IGF2BP2: variants seen among roughly 807,000 people sequenced by gnomAD.
The protein encoded by IGF2BP2 is insulin-like growth factor 2 mRNA-binding protein 2.
In IGF2BP2, 17 loss-of-function variants were observed where a neutral mutation model predicts 75.8. That is an observed-to-expected ratio of 0.22 (90% CI 0.15 to 0.34). The LOEUF is 0.34. Among genes scored for constraint, IGF2BP2 ranks in the 10% least tolerant of loss-of-function variants. The pLI, the probability that IGF2BP2 is intolerant of heterozygous loss-of-function variation, is 1.00. For missense variants in IGF2BP2, 516 were observed against 772.4 expected (o/e 0.67, Z 3.93); for synonymous variants, 288 against 295.6 (o/e 0.97, Z 0.26).
chr3:185,731,449 C>T (rs1212403629), intron 2 of IGF2BP2, among the ~76,000 whole-genome samples: 5 of 151,806 alleles, frequency 3.3e-5, no homozygotes, highest in African/African-American at 9.7e-5. Context: ...GATGAGGTTT[C>T]ACCATGTTGG....
chr3:185,765,383 C>CAGCT (rs1449322131), intron 2 of IGF2BP2, among the ~76,000 whole-genome samples: 1 of 152,224 alleles, frequency 6.6e-6, no homozygotes, highest in East Asian at 1.9e-4. Context: ...CCTCCAAAGA[C>CAGCT]AGCTCACAGC....
At chr3:185,697,417 G>GTTT (rs11437010) in intron 3 of IGF2BP2, among the ~76,000 whole-genome samples, 1 of 148,072 alleles carries the variant, frequency 6.8e-6, no homozygotes. Context: ...ATAATCGTGT[G>GTTT]TTTTTTTTTT....
chr3:185,806,794 A>C (rs1177028387), intron 2 of IGF2BP2, among the ~76,000 whole-genome samples: 1 of 152,198 alleles, frequency 6.6e-6, no homozygotes, highest in Non-Finnish European at 1.5e-5. Context: ...CATTATAAAT[A>C]TTTGCAATAT....
intron 10 of IGF2BP2, among the ~76,000 whole-genome samples, chr3:185,667,159 G>A (rs1471472471): frequency 1.3e-5 from 2 of 152,252 alleles, no homozygotes; most frequent in African/African-American, 4.8e-5. Flanking sequence ...TAAGTTCAAC[G>A]ATAAAATGGT....
intron 2 of IGF2BP2, among the ~76,000 whole-genome samples, chr3:185,708,433 T>C (rs1245541635): frequency 3.3e-5 from 5 of 152,152 alleles, no homozygotes; most frequent in African/African-American, 1.2e-4. Context: ...CAGGAAGGGT[T>C]ATTTTGGAAA....
chr3:185,814,060 T>C (rs1740278855), intron 2 of IGF2BP2: 1 of 152,228 alleles, frequency 6.6e-6, no homozygotes, highest in South Asian at 2.1e-4. Context: ...ACTTACTATC[T>C]TCCACACACT....
chr3:185,687,244 T>C (rs1721270945), intron 6 of IGF2BP2, 53 bp from the exon 7 acceptor site: 2 of 1,543,426 alleles, frequency 1.3e-6, no homozygotes, highest in East Asian at 2.3e-5. Context: ...GATAGGACCC[T>C]AGCCCCAAGA....
chr3:185,706,865 C>A (rs572054072), intron 2 of IGF2BP2, among the ~76,000 whole-genome samples: 13 of 151,488 alleles, frequency 8.6e-5, no homozygotes, highest in African/African-American at 2.2e-4. Flanking sequence ...CTCAGCCTCC[C>A]GAGTAGCTGG....
chr3:185,763,524 T>C (rs558374475), intron 2 of IGF2BP2, among the ~76,000 whole-genome samples: 1 of 152,382 alleles, frequency 6.6e-6, no homozygotes, highest in South Asian at 2.1e-4. Flanking sequence ...CTTGTTTGAT[T>C]CAGCAGATGA....
intron 2 of IGF2BP2, among the ~76,000 whole-genome samples, chr3:185,798,893 T>C (rs564036203): frequency 6.6e-6 from 1 of 151,668 alleles, no homozygotes; most frequent in Non-Finnish European, 1.5e-5. Context: ...CCTCCCACCT[T>C]AGCCTTACAA....
chr3:185,706,629 G>A (rs185270814), intron 2 of IGF2BP2, among the ~76,000 whole-genome samples: 100 of 152,254 alleles, frequency 6.6e-4, no homozygotes, highest in African/African-American at 2.2e-3. Flanking sequence ...AATTGTAACA[G>A]GAAGGTTAAA....
chr3:185,724,760 C>T (rs1341241242), intron 2 of IGF2BP2: 1 of 152,162 alleles, frequency 6.6e-6, no homozygotes, highest in African/African-American at 2.4e-5. Context: ...CATTGTATTT[C>T]CCAAAAAGGA....
At chr3:185,789,072 A>G (rs960868632) in intron 2 of IGF2BP2, among the ~76,000 whole-genome samples, 18 of 152,144 alleles carry the variant, frequency 1.2e-4, no homozygotes, top group Admixed American at 3.3e-4. Context: ...TGAAGTGTCT[A>G]TTCACAGGCC....
At chr3:185,714,028 T>G (rs1480133490) in intron 2 of IGF2BP2, among the ~76,000 whole-genome samples, 1 of 152,224 alleles carries the variant, frequency 6.6e-6, no homozygotes, top group African/African-American at 2.4e-5. Context: ...TTGCACAAAA[T>G]TCAAAATGTA....
intron 3 of IGF2BP2, among the ~76,000 whole-genome samples, 166 bp downstream of exon 3, chr3:185,698,133 G>A (rs1435013398): frequency 6.6e-6 from 1 of 152,124 alleles, no homozygotes; most frequent in Non-Finnish European, 1.5e-5. Flanking sequence ...AAACAAATAC[G>A]ACCCCAAACT....
At chr3:185,659,009 A>T (rs1715944914) in intron 10 of IGF2BP2, among the ~76,000 whole-genome samples, 1 of 152,120 alleles carries the variant, frequency 6.6e-6, no homozygotes, top group African/African-American at 2.4e-5. Context: ...GGGTTCAGGA[A>T]CTTGAGACTA....
intron 2 of IGF2BP2, among the ~76,000 whole-genome samples, chr3:185,780,230 TG>T (rs1735033363): frequency 2.0e-5 from 3 of 152,036 alleles, no homozygotes. Flanking sequence ...AGACAGATAA[TG>T]AAAGGAAATA....
At chr3:185,803,964 A>G (rs1247157128) in intron 2 of IGF2BP2, among the ~76,000 whole-genome samples, 2 of 152,012 alleles carry the variant, frequency 1.3e-5, no homozygotes, top group East Asian at 3.8e-4. Context: ...TCTCTACTAA[A>G]AGTACAAAAA....
intron 10 of IGF2BP2, among the ~76,000 whole-genome samples, chr3:185,668,494 GAGAGAGAGAGAGAGAT>G (rs1469799323): frequency 8.2e-6 from 1 of 121,584 alleles, no homozygotes; most frequent in African/African-American, 3.3e-5. Context: ...GTTCGAGAGA[GAGAGAGAGAGAGAGAT>G]ATATATATAT....
Sources: gnomAD v4.1 joint callset for allele counts (sites outside exome capture counted in the v4.1 genomes callset) on GRCh38, gnomAD v4.1.1 for gene constraint, MANE v1.5 for transcripts, NCBI Gene and HGNC (gene_info 2026-07-23, HGNC 2026-07-21) for gene names.